The following SLC35F3 variants were observed in gnomAD, a reference collection of about 807,000 sequenced individuals.
The protein encoded by SLC35F3 is solute carrier family 35 member F3.
A neutral mutation model predicts 49.9 loss-of-function variants in SLC35F3; 25 were observed. That is an observed-to-expected ratio of 0.50 (90% confidence interval 0.37 to 0.70). The LOEUF is 0.70. SLC35F3 is among the 30% of genes least tolerant of loss of function. SLC35F3 has a pLI of 0.00. For missense variants in SLC35F3, 525 were observed against 639.8 expected, an observed-to-expected ratio of 0.82 and a Z score of 1.94; for synonymous variants, 275 against 265.4, an observed-to-expected ratio of 1.04 and a Z score of -0.35.
Position 234,231,534 on chromosome 1 carries a change from A to T in SLC35F3, c.401A>T (p.Lys134Met), listed in dbSNP as rs775035130. ...CWTCSRAQLKKIFWGVAVVLC... is the reference protein window; with the variant it reads ...CWTCSRAQLKMIFWGVAVVLC... ...ACGTGCTCCCGGGCGCAACTCAAGAAGATCTTCTGGGGCGTGGCGGTCGTG... is the reference window on the plus strand; with the variant it reads ...ACGTGCTCCCGGGCGCAACTCAAGATGATCTTCTGGGGCGTGGCGGTCGTG... The change falls in exon 3 of 8, where the codon AAG becomes ATG. Residue 134 changes from lysine to methionine, a missense_variant. Transcript: ENST00000366618. The surrounding 1 kb of genome is among the most constrained non-coding windows in gnomAD (Gnocchi z 5.4). 3 of 1,614,026 alleles carry T rather than the reference A, an allele frequency of 1.9e-6. No homozygotes were observed. The highest frequency in any genetic ancestry group is 2.5e-6 in the Non-Finnish European group (3 of 1,179,962).
chr1:234,161,350 C>T (rs1010643724), intron 2 of SLC35F3, among the ~76,000 whole-genome samples: 1 of 152,124 alleles, frequency 6.6e-6, no homozygotes, highest in Non-Finnish European at 1.5e-5. Flanking sequence ...GGATTTTAAT[C>T]CAAATCTGTC....
At chr1:233,911,148 T>C (rs1015872413) in intron 2 of SLC35F3, among the ~76,000 whole-genome samples, 9 of 152,192 alleles carry the variant, frequency 5.9e-5, no homozygotes, top group African/African-American at 2.2e-4. Context: ...AAAGGCTGTC[T>C]TCCTAGCGTC....
intron 2 of SLC35F3, among the ~76,000 whole-genome samples, chr1:234,030,445 A>G (rs1664045593): frequency 6.6e-6 from 1 of 152,208 alleles, no homozygotes; most frequent in African/African-American, 2.4e-5. Flanking sequence ...CCCCAGTACC[A>G]GAGACTAGGA....
intron 2 of SLC35F3, among the ~76,000 whole-genome samples, chr1:234,203,398 T>C (rs1422315244): frequency 1.3e-5 from 2 of 152,234 alleles, no homozygotes; most frequent in Non-Finnish European, 2.9e-5. Context: ...TTTTAGCCCC[T>C]TTAAACTATT....
chr1:233,931,657 G>A (rs1054048476), intron 2 of SLC35F3, among the ~76,000 whole-genome samples: 3 of 152,212 alleles, frequency 2.0e-5, no homozygotes, highest in Admixed American at 6.5e-5. Context: ...ATGCTGGAGA[G>A]GATGTGGAGA....
rs12047723 is a variant in SLC35F3 at position 234,281,022 on chromosome 1, C to G, written c.609-28079C>G. ...TGCCTTCCTAAAGGCGGGAGTCAGC[C>G]AAGGGCATGCCTTCCCAGCCTACTG... On this transcript the variant is annotated intron_variant, in intron 3 of 7. Coordinates refer to ENST00000366618, the MANE Select transcript of SLC35F3 (RefSeq NM_173508.4). Among the ~76,000 whole-genome samples the G allele has an allele frequency of 2.7e-3, 413 of 152,226 alleles. 17 individuals are homozygous for G. The East Asian group carries it at 0.064, about 24-fold the overall frequency.
At chr1:234,021,639 C>T (rs1196581704) in intron 2 of SLC35F3, among the ~76,000 whole-genome samples, 4 of 152,138 alleles carry the variant, frequency 2.6e-5, no homozygotes, top group East Asian at 1.9e-4. Flanking sequence ...TGAAATTAGA[C>T]CATGTTGTGT....
Position 234,057,954 on chromosome 1 carries a change from G to A in SLC35F3, c.283+152196G>A, listed in dbSNP as rs191983751. ...ACTCCTGACCTCAGGTGATCCACCC[G>A]CCTCAGCTACCCAAAGGGCTGGGAT... On this transcript the variant is annotated intron_variant, in intron 2 of 7. Transcript: ENST00000366618. Among the ~76,000 whole-genome samples the A allele has an allele frequency of 1.5e-4, 23 of 152,146 alleles. 1 individual carries two copies. In the East Asian group the frequency reaches 3.1e-3, roughly 20 times the overall value.
intron 2 of SLC35F3, among the ~76,000 whole-genome samples, chr1:233,997,952 A>G (rs999522884): frequency 2.0e-5 from 3 of 152,012 alleles, no homozygotes; most frequent in African/African-American, 7.2e-5. Context: ...GGGTTTCACC[A>G]TGTTGGTCAG....
intron 2 of SLC35F3, among the ~76,000 whole-genome samples, chr1:234,068,899 TTA>T (rs1436711324): frequency 2.0e-4 from 26 of 130,680 alleles, no homozygotes; most frequent in African/African-American, 7.3e-4. Context: ...TATTTATATA[TTA>T]TATATATTTT....
chr1:233,905,786 G>A (rs967608912), intron 2 of SLC35F3, 28 bp downstream of exon 2: 10 of 1,571,376 alleles, frequency 6.4e-6, no homozygotes, highest in Non-Finnish European at 7.8e-6. Context: ...CATGTTTCCC[G>A]TTCACTGGTC....
At chr1:234,268,257 A>T (rs1668033219) in intron 3 of SLC35F3, among the ~76,000 whole-genome samples, 1 of 152,324 alleles carries the variant, frequency 6.6e-6, no homozygotes, top group Admixed American at 6.5e-5. Context: ...GCTGGAGACC[A>T]GCCCGGCCAA....
rs553498434 is a variant in SLC35F3, at chr1:234,144,098, G to A, written c.284-87319G>A. Reference sequence around the variant, plus strand: ...GAAAGAGATTCTGAAAAGTGAGACGGGGTGTAGCAGGGGAGATGGCACCAC... The same window carrying A: ...GAAAGAGATTCTGAAAAGTGAGACGAGGTGTAGCAGGGGAGATGGCACCAC... On this transcript the variant is annotated intron_variant, in intron 2 of 7. Transcript: ENST00000366618. Among the ~76,000 whole-genome samples the A allele has an allele frequency of 1.0e-3, 153 of 152,320 alleles. 1 individual carries two copies. Among genetic ancestry groups the A allele is most frequent in the African/African-American group, 3.7e-3 (152 of 41,578 alleles).
chr1:234,259,469 G>A (rs564201432), intron 3 of SLC35F3, among the ~76,000 whole-genome samples: 1 of 152,172 alleles, frequency 6.6e-6, no homozygotes, highest in Admixed American at 6.5e-5. Flanking sequence ...GCAGCCTGAG[G>A]GGTCCTCCAG....
chr1:234,319,906 C>CA (rs1292016084), intron 6 of SLC35F3, among the ~76,000 whole-genome samples, 192 bp from the exon 7 acceptor site: 3 of 152,106 alleles, frequency 2.0e-5, no homozygotes, highest in African/African-American at 7.2e-5. Context: ...GCTGAGTACT[C>CA]AGAGTGTCTG....
At chr1:234,301,479 A>C (rs1320186520) in intron 3 of SLC35F3, among the ~76,000 whole-genome samples, 1 of 152,230 alleles carries the variant, frequency 6.6e-6, no homozygotes, top group Non-Finnish European at 1.5e-5. Context: ...TGCAAATCAA[A>C]ATCAGAATGC....
At chr1:234,200,720 A>C (rs925991241) in intron 2 of SLC35F3, among the ~76,000 whole-genome samples, 7 of 152,182 alleles carry the variant, frequency 4.6e-5, no homozygotes, top group Admixed American at 3.3e-4. Context: ...ACTGATATCC[A>C]AGAAGGAGTG....
rs140803616 is a variant in SLC35F3, at chr1:234,311,463, G to A, written c.828+2143G>A. On this transcript the variant is annotated intron_variant, in intron 4 of 7. Coordinates refer to ENST00000366618, the MANE Select transcript of SLC35F3 (RefSeq NM_173508.4). ...CCTGGAGGGCTGAGCATATGAGCTT[G>A]AGAGTCAAGCAGACATAAAAATCCA... is the stretch of plus-strand genomic sequence containing the variant. 6.1e-3 allele frequency among the ~76,000 whole-genome samples: 923 copies of A among 152,352 alleles called. 8 individuals carry two copies. Among genetic ancestry groups the A allele is most frequent in the South Asian group, 8.3e-3 (40 of 4,828 alleles).
chr1:234,218,037 T>G (rs1025450152), intron 2 of SLC35F3, among the ~76,000 whole-genome samples: 1 of 152,202 alleles, frequency 6.6e-6, no homozygotes, highest in African/African-American at 2.4e-5. Context: ...AGAGTGGGGC[T>G]GGGCCTTAGA....
Sources: allele counts gnomAD v4.1 joint callset (sites outside exome capture counted in the v4.1 genomes callset), GRCh38; gene constraint gnomAD v4.1.1; non-coding constraint Gnocchi (gnomAD v3.1); transcripts MANE v1.5; gene names NCBI Gene and HGNC (gene_info 2026-07-23, HGNC 2026-07-21).